EXT1: variants seen among roughly 807,000 people sequenced by gnomAD.
The protein encoded by EXT1 is exostosin-1.
A neutral mutation model predicts 82.5 loss-of-function variants in EXT1; 20 were observed. The ratio of observed to expected loss-of-function variants is 0.24; its 90% CI spans 0.17 to 0.35. EXT1 has a LOEUF of 0.35. Among genes scored for constraint, EXT1 ranks in the 10% least tolerant of loss-of-function variants. The pLI is 1.00. For synonymous variants in EXT1, 348 were observed against 350.8 expected (o/e 0.99, Z 0.09); for missense variants, 757 against 936.5 (o/e 0.81, Z 2.50).
In EXT1 at chr8:117,849,608, TTCG is replaced by T. The variant is rs545339614; in HGVS notation, c.963-12410_963-12408del. Among the ~76,000 whole-genome samples the T allele has an allele frequency of 3.7e-3, 570 of 152,336 alleles. 7 individuals are homozygous for T. The highest frequency in any genetic ancestry group is 0.013 in the African/African-American group (525 of 41,580). On this transcript the variant is annotated intron_variant, in intron 1 of 10. Transcript: ENST00000378204. The stretch of plus-strand genomic sequence containing the variant: ...TTTCTCTCTCTAGTTAATGGTATGA[TTCG>T]TCAAGTTCTCCAAATGCCATCTGCT...
chr8:117,799,532 C>T lies in EXT1; in HGVS notation c.*180G>A. The T allele has an allele frequency of 1.5e-6, 1 of 658,928 alleles. No individual in the cohort carries two copies. The highest frequency in any genetic ancestry group is 2.6e-6 in the Non-Finnish European group (1 of 381,282). 40.8% of individuals were successfully genotyped at this position (658,928 alleles called of 1,614,324 possible). A position where few individuals can be genotyped will look rare whatever the true frequency, so the allele number is the denominator to read the frequency against. On this transcript the variant is annotated 3_prime_UTR_variant, in exon 11 of 11. Coordinates refer to ENST00000378204, the MANE Select transcript of EXT1 (RefSeq NM_000127.3). ...GAGGTGAGTTTGGAGCAGTCTGGTG[C>T]AGTCCCAGGAGCCAGGAGTTGAGTT...
At chr8:118,017,084 C>T (rs372507783) in intron 1 of EXT1, among the ~76,000 whole-genome samples, 5 of 152,104 alleles carry the variant, frequency 3.3e-5, no homozygotes, top group South Asian at 2.1e-4. Context: ...CCAGACGGAC[C>T]GGTATAATCA....
chr8:118,086,608 A>G (rs145657822), intron 1 of EXT1, among the ~76,000 whole-genome samples: 2 of 152,334 alleles, frequency 1.3e-5, no homozygotes, highest in East Asian at 3.9e-4. Context: ...CACTTATTTT[A>G]AGCTGTTCAT....
At chr8:117,978,912 A>C (rs866202466) in intron 1 of EXT1, among the ~76,000 whole-genome samples, 1 of 152,190 alleles carries the variant, frequency 6.6e-6, no homozygotes, top group African/African-American at 2.4e-5. Context: ...TATTGTTATT[A>C]TGTTAAACAT....
intron 1 of EXT1, among the ~76,000 whole-genome samples, chr8:118,068,012 T>C (rs1817021995): frequency 2.0e-5 from 3 of 152,210 alleles, no homozygotes; most frequent in African/African-American, 7.2e-5. Context: ...AACTTTCTGA[T>C]TACCTGAGAA....
intron 1 of EXT1, among the ~76,000 whole-genome samples, chr8:118,109,058 T>A (rs900026446): frequency 6.6e-6 from 1 of 152,216 alleles, no homozygotes; most frequent in South Asian, 2.1e-4. Context: ...CCCCACCTAC[T>A]AGGAAACTGG....
At chr8:118,025,003 C>T (rs990125732) in intron 1 of EXT1, among the ~76,000 whole-genome samples, 1 of 152,146 alleles carries the variant, frequency 6.6e-6, no homozygotes, top group African/African-American at 2.4e-5. Context: ...ATGTATGAAT[C>T]CTTATCTATG....
At chr8:118,091,074 G>A (rs772713995) in intron 1 of EXT1, among the ~76,000 whole-genome samples, 3 of 152,142 alleles carry the variant, frequency 2.0e-5, no homozygotes, top group Non-Finnish European at 4.4e-5. Flanking sequence ...AGTTGCTAGA[G>A]AGTTCCGCTA....
chr8:117,928,487 C>CT (rs1813991657), intron 1 of EXT1, among the ~76,000 whole-genome samples: 1 of 152,196 alleles, frequency 6.6e-6, no homozygotes, highest in South Asian at 2.1e-4. Context: ...CCTTAACAAG[C>CT]TTCAAACTTT....
At chr8:117,892,151 C>T (rs1813255796) in intron 1 of EXT1, among the ~76,000 whole-genome samples, 1 of 152,180 alleles carries the variant, frequency 6.6e-6, no homozygotes. Context: ...GAGGTTGGCT[C>T]CATCCTTCTT....
At chr8:117,930,703 T>C (rs1814042937) in intron 1 of EXT1, among the ~76,000 whole-genome samples, 1 of 152,178 alleles carries the variant, frequency 6.6e-6, no homozygotes, top group African/African-American at 2.4e-5. Flanking sequence ...GACTCCATCT[T>C]GAGTAGGGGC....
intron 1 of EXT1, among the ~76,000 whole-genome samples, chr8:117,975,897 T>C (rs575776353): frequency 5.3e-4 from 81 of 152,314 alleles, no homozygotes; most frequent in Non-Finnish European, 5.1e-4. Flanking sequence ...ACAAGAAAGA[T>C]TGTGATAGTG....
chr8:117,821,330 G>A (rs1012470467), intron 5 of EXT1, among the ~76,000 whole-genome samples: 5 of 152,192 alleles, frequency 3.3e-5, no homozygotes, highest in Non-Finnish European at 7.3e-5. Flanking sequence ...TTGAGGGATT[G>A]CCTTTTAAAC....
rs561182211 is a variant in EXT1, at chr8:117,850,972, C to T, written c.963-13771G>A. Among the ~76,000 whole-genome samples the T allele has an allele frequency of 2.6e-5, 4 of 152,236 alleles. No homozygotes were observed. The East Asian group carries it at 7.7e-4, about 29-fold the overall frequency. ...AAAACAGAAATAAAACCCAAACCAC[C>T]CTTAGCACAAAAAACTGCCTGGAAA... On this transcript the variant is annotated intron_variant, in intron 1 of 10. Coordinates refer to ENST00000378204, the MANE Select transcript of EXT1 (RefSeq NM_000127.3).
intron 1 of EXT1, among the ~76,000 whole-genome samples, chr8:117,852,575 T>C (rs1290369135): frequency 6.6e-6 from 1 of 152,296 alleles, no homozygotes; most frequent in East Asian, 1.9e-4. Context: ...AGTTTCCCAA[T>C]CCATCATGAG....
At chr8:117,809,218 AATATATATATAT>A (rs71307404) in intron 8 of EXT1, among the ~76,000 whole-genome samples, 13 of 107,946 alleles carry the variant, frequency 1.2e-4, no homozygotes, top group African/African-American at 1.6e-4. Flanking sequence ...TGTGTGTATA[AATATATATATAT>A]ATATATATAT....
intron 1 of EXT1, among the ~76,000 whole-genome samples, chr8:117,933,837 C>T (rs1814107160): frequency 6.6e-6 from 1 of 152,184 alleles, no homozygotes; most frequent in Admixed American, 6.5e-5. Context: ...CATTGCTCGT[C>T]TTAATTGTTT....
chr8:118,031,819 C>T (rs1816324399), intron 1 of EXT1, among the ~76,000 whole-genome samples: 1 of 152,008 alleles, frequency 6.6e-6, no homozygotes, highest in African/African-American at 2.4e-5. Flanking sequence ...CCTTATGACT[C>T]AGTGGTGTAC....
intron 1 of EXT1, among the ~76,000 whole-genome samples, chr8:117,850,434 C>G (rs1047532524): frequency 2.5e-4 from 38 of 152,174 alleles, no homozygotes; most frequent in African/African-American, 8.4e-4. Context: ...GCCAGTCGAC[C>G]ATATCCCTCT....
Sources: allele counts gnomAD v4.1 joint callset (sites outside exome capture counted in the v4.1 genomes callset), GRCh38; gene constraint gnomAD v4.1.1; transcripts MANE v1.5; gene names NCBI Gene and HGNC (gene_info 2026-07-23, HGNC 2026-07-21).